Variants in PCDHA1 observed in about 807,000 individuals in gnomAD.
PCDHA1 encodes protocadherin alpha 1, also known as protocadherin alpha-1.
In PCDHA1, 42 loss-of-function variants were observed where a neutral mutation model predicts 61.3. The observed-to-expected ratio is 0.69, with a 90% confidence interval of 0.54 to 0.89. The LOEUF (loss-of-function observed/expected upper bound fraction) is 0.89. PCDHA1 is among the 40% of genes least tolerant of loss of function. The probability of loss-of-function intolerance (pLI) is 0.00; values close to 1 mark genes in which losing one functional copy is unlikely to be tolerated. For missense variants in PCDHA1, 1,256 were observed against 1,235.3 expected (o/e 1.02, Z -0.25); for synonymous variants, 610 against 553.8 (o/e 1.10, Z -1.43).
At chr5:140,911,775 C>T (rs1341124275) in intron 1 of PCDHA1, among the ~76,000 whole-genome samples, 1 of 152,096 alleles carries the variant, frequency 6.6e-6, no homozygotes, top group African/African-American at 2.4e-5. Context: ...AAGTACAGTC[C>T]TTAGCATTTT....
At chr5:140,862,874 T>C in intron 1 of PCDHA1, 2 of 568,426 alleles carry the variant, frequency 3.5e-6, no homozygotes, top group Non-Finnish European at 3.4e-6. Flanking sequence ...CTGCCAGGTA[T>C]TAGTGCTGGA....
chr5:140,838,280 ATT>A lies in PCDHA1; in HGVS notation c.2394+49610_2394+49611del, dbSNP rs2150286950. Among the ~76,000 whole-genome samples, 385 of 139,594 alleles carry A rather than the reference ATT, an allele frequency of 2.8e-3. 5 individuals are homozygous for A. Among genetic ancestry groups the A allele is most frequent in the Middle Eastern group, 0.014 (4 of 280 alleles). 91.6% of individuals were successfully genotyped at this position (139,594 alleles called of 152,430 possible). The stretch of plus-strand genomic sequence containing the variant: ...AGACGCCAACAACCAAGCCATGCTA[ATT>A]TTTTTTTTTTTTTGTATTTTTAGTA... On this transcript the variant is annotated intron_variant, in intron 1 of 3. Coordinates refer to ENST00000504120, the MANE Select transcript of PCDHA1 (RefSeq NM_018900.4).
chr5:140,890,836 C>A (rs1189670490), intron 1 of PCDHA1, among the ~76,000 whole-genome samples: 1 of 151,884 alleles, frequency 6.6e-6, no homozygotes, highest in Admixed American at 6.6e-5. Flanking sequence ...ACATATTTAC[C>A]AGTTTTGTTT....
rs921209737 is a variant in PCDHA1 at position 140,787,500 on chromosome 5, T to C, written c.1210T>C (p.Tyr404His). 1.2e-6 allele frequency: 2 copies of C among 1,614,066 alleles called. No homozygotes were observed. Among genetic ancestry groups the C allele is most frequent in the African/African-American group, 2.7e-5 (2 of 74,936 alleles). ...PFKLVSTFKN[Y>H]YSLVLDSALD... ...CAAGCTGGTGTCCACCTTCAAGAAT[T>C]ACTACTCGTTGGTGTTGGACAGCGC... Residue 404 changes from tyrosine (Y) to histidine (H), a missense_variant, in exon 1 of 4, where the codon TAC becomes CAC. Tyr to His is a moderately conservative substitution (Grantham distance 83). Coordinates refer to ENST00000504120, the MANE Select transcript of PCDHA1 (RefSeq NM_018900.4).
At chr5:140,866,764 G>A (rs2049554706) in intron 1 of PCDHA1, 1 of 152,110 alleles carries the variant, frequency 6.6e-6, no homozygotes, top group Non-Finnish European at 1.5e-5. Flanking sequence ...GGACATACAG[G>A]CAGATTGTAT....
At chr5:140,870,836 A>C in intron 1 of PCDHA1, 1 of 1,613,796 alleles carries the variant, frequency 6.2e-7, no homozygotes, top group Non-Finnish European at 8.5e-7. Flanking sequence ...GCAGTTAACA[A>C]GCTAGTACCG....
Position 140,856,446 on chromosome 5 carries a change from C to T in PCDHA1, c.2394+67762C>T. On this transcript the variant is annotated intron_variant, in intron 1 of 3. Coordinates refer to ENST00000504120, the MANE Select transcript of PCDHA1 (RefSeq NM_018900.4). ...ATTAACGACAACCCGCCCAGGTTCTCCGTAACAGAACAAAAGCTCTCAATA... is the reference window on the plus strand; with the variant it reads ...ATTAACGACAACCCGCCCAGGTTCTTCGTAACAGAACAAAAGCTCTCAATA... 1.9e-6 allele frequency: 3 copies of T among 1,598,398 alleles called. 1 individual carries two copies. Among genetic ancestry groups the T allele is most frequent in the Non-Finnish European group, 8.6e-7 (1 of 1,167,936 alleles).
chr5:140,824,110 C>T, intron 1 of PCDHA1: 2 of 1,614,004 alleles, frequency 1.2e-6, no homozygotes, highest in Non-Finnish European at 1.7e-6. Flanking sequence ...TCCTCAGGGT[C>T]CCACCTCTAC....
At chr5:140,795,796 G>A in intron 1 of PCDHA1, 2 of 1,613,746 alleles carry the variant, frequency 1.2e-6, no homozygotes, top group Non-Finnish European at 1.7e-6. Flanking sequence ...CAGCGAGATT[G>A]TGTATTCACT....
At chr5:140,988,182 G>A (rs191995725) in intron 3 of PCDHA1, among the ~76,000 whole-genome samples, 79 of 152,240 alleles carry the variant, frequency 5.2e-4, no homozygotes, top group African/African-American at 1.5e-3. Flanking sequence ...ACAGTCCTGG[G>A]AGGTGTGTGC....
chr5:140,936,000 C>G (rs370629183), intron 1 of PCDHA1, among the ~76,000 whole-genome samples: 1 of 150,536 alleles, frequency 6.6e-6, no homozygotes, highest in African/African-American at 2.4e-5. Flanking sequence ...TCAAGCGATT[C>G]TCCCACCTCA....
At chr5:140,993,464 A>T (rs1309811031) in intron 3 of PCDHA1, among the ~76,000 whole-genome samples, 11 of 28,960 alleles carry the variant, frequency 3.8e-4, no homozygotes, top group South Asian at 2.7e-3. Flanking sequence ...TTTCTTTCTC[A>T]CACACACACA....
intron 1 of PCDHA1, chr5:140,851,511 T>C (rs2042080638): frequency 2.8e-5 from 25 of 901,700 alleles, no homozygotes; most frequent in Non-Finnish European, 3.2e-5. Flanking sequence ...ATATAAAATA[T>C]GTTTTAAAAT....
At chr5:140,914,263 G>T (rs950921953) in intron 1 of PCDHA1, among the ~76,000 whole-genome samples, 2 of 151,932 alleles carry the variant, frequency 1.3e-5, no homozygotes, top group South Asian at 2.1e-4. Flanking sequence ...TTCAATGGTG[G>T]GTGCATATAT....
At chr5:140,818,348 A>T (rs1554127450) in intron 1 of PCDHA1, among the ~76,000 whole-genome samples, 1 of 152,212 alleles carries the variant, frequency 6.6e-6, no homozygotes, top group Admixed American at 6.5e-5. Context: ...CCACTGTCAA[A>T]GTCATTGATT....
intron 1 of PCDHA1, among the ~76,000 whole-genome samples, chr5:140,921,611 A>C (rs781805165): frequency 6.6e-6 from 1 of 152,224 alleles, no homozygotes; most frequent in Non-Finnish European, 1.5e-5. Context: ...AATAAGAAAA[A>C]TATCATCAGA....
At chr5:140,882,839 T>C (rs1554175751) in intron 1 of PCDHA1, 1 of 1,614,218 alleles carries the variant, frequency 6.2e-7, no homozygotes, top group South Asian at 1.1e-5. Flanking sequence ...GCAAATGTCT[T>C]CATTATCACT....
At chr5:140,819,693 G>A (rs1297112025) in intron 1 of PCDHA1, among the ~76,000 whole-genome samples, 4 of 152,056 alleles carry the variant, frequency 2.6e-5, no homozygotes, top group Admixed American at 2.6e-4. Flanking sequence ...AAATGCAAGT[G>A]ATAATTTAAA....
rs144781571 is a variant in PCDHA1 at position 140,788,193 on chromosome 5, C to A, written c.1903C>A (p.Arg635Ser). ...GTACACGGGCGAGATCAGCACGACT[C>A]GTGTCCTGGACGAGGCTGACTTGTC... ...GLYTGEISTT[R>S]VLDEADLSRY... The change falls in exon 1 of 4, where the codon CGT becomes AGT. Residue 635 changes from arginine (R) to serine (S), a missense_variant. Physicochemically the swap from Arg to Ser is moderately radical, Grantham distance 110. Coordinates refer to ENST00000504120, the MANE Select transcript of PCDHA1 (RefSeq NM_018900.4). 3.9e-5 allele frequency: 63 copies of A among 1,613,946 alleles called. No individual in the cohort carries two copies. The highest frequency in any genetic ancestry group is 2.5e-4 in the African/African-American group (19 of 74,948).
Sources: gnomAD v4.1 joint callset for allele counts (sites outside exome capture counted in the v4.1 genomes callset) on GRCh38, gnomAD v4.1.1 for gene constraint, MANE v1.5 for transcripts, NCBI Gene and HGNC (gene_info 2026-07-23, HGNC 2026-07-21) for gene names.